CEP70: variants seen among roughly 807,000 people sequenced by gnomAD.
CEP70 encodes centrosomal protein of 70 kDa.
In CEP70, 70 loss-of-function variants were observed where a neutral mutation model predicts 90.9. That is an observed-to-expected ratio of 0.77 (90% CI 0.64 to 0.94). CEP70 has a LOEUF of 0.94. Among genes scored for constraint, CEP70 ranks in the 40% least tolerant of loss-of-function variants. CEP70 has a pLI of 0.00. For synonymous variants in CEP70, 220 were observed against 228.3 expected, an observed-to-expected ratio of 0.96 and a Z score of 0.33; for missense variants, 648 against 669.0, an observed-to-expected ratio of 0.97 and a Z score of 0.35.
intron 11 of CEP70, among the ~76,000 whole-genome samples, chr3:138,510,954 G>A (rs1329739187): frequency 2.7e-5 from 4 of 149,126 alleles, no homozygotes; most frequent in Admixed American, 1.3e-4. Context: ...TCTGCCTCCC[G>A]GGTTCAAACA....
intron 6 of CEP70, among the ~76,000 whole-genome samples, chr3:138,556,864 CG>C (rs886756647): frequency 1.3e-5 from 2 of 152,036 alleles, no homozygotes; most frequent in African/African-American, 2.4e-5. Flanking sequence ...GACCACAGAC[CG>C]GGGCGAAATT....
chr3:138,526,134 C>T (rs943004283), intron 10 of CEP70, among the ~76,000 whole-genome samples: 2 of 152,018 alleles, frequency 1.3e-5, no homozygotes, highest in South Asian at 4.2e-4. Flanking sequence ...AGGTCCTTCT[C>T]TCCATTAAGG....
Position 138,529,359 on chromosome 3 carries a change from T to C in CEP70, c.780+16A>G. ...AGTTTATTAAAAAGTATTTATTAGT[T>C]ATGCAGTCCCCATACCATTAAAAGG... On this transcript the variant is annotated intron_variant, in intron 9 of 17. Coordinates refer to ENST00000264982, the MANE Select transcript of CEP70 (RefSeq NM_024491.4). 1.3e-6 allele frequency: 2 copies of C among 1,580,486 alleles called. No individual in the cohort carries two copies. The highest frequency in any genetic ancestry group is 1.7e-6 in the Non-Finnish European group (2 of 1,158,124).
chr3:138,558,258 A>T (rs1459020068), intron 6 of CEP70, among the ~76,000 whole-genome samples: 1 of 152,164 alleles, frequency 6.6e-6, no homozygotes, highest in Non-Finnish European at 1.5e-5. Flanking sequence ...CCAGCTACTC[A>T]GGAGGCTGAA....
intron 8 of CEP70, chr3:138,531,482 T>G (rs1326787633): frequency 6.6e-6 from 1 of 152,170 alleles, no homozygotes; most frequent in Non-Finnish European, 1.5e-5. Context: ...GCCAATTCAT[T>G]TACATATTAT....
chr3:138,496,935 T>G lies in CEP70; in HGVS notation c.1732+1096A>C, dbSNP rs34416776. ...CCCTATTAAAATATGTTTATTAATGTGCCAAATATTTATGAATGATGAGAA... is the reference window on the plus strand; with the variant it reads ...CCCTATTAAAATATGTTTATTAATGGGCCAAATATTTATGAATGATGAGAA... On this transcript the variant is annotated intron_variant, in intron 17 of 17. Coordinates refer to ENST00000264982, the MANE Select transcript of CEP70 (RefSeq NM_024491.4). 0.035 allele frequency: 34,992 copies of G among 986,204 alleles called. 1,794 individuals are homozygous for G. In the East Asian group the frequency reaches 0.37, roughly 11 times the overall value. The allele number at this position is 986,204 out of a possible 1,614,324, so 61.1% of individuals were successfully genotyped here.
At chr3:138,500,681 T>C in intron 14 of CEP70, 54 bp downstream of exon 14, 1 of 1,507,590 alleles carries the variant, frequency 6.6e-7, no homozygotes, top group South Asian at 1.3e-5. Flanking sequence ...ATCCACAATT[T>C]ATCAGTTTTT....
At chr3:138,541,056 A>T (rs1036127228) in intron 6 of CEP70, among the ~76,000 whole-genome samples, 3 of 152,204 alleles carry the variant, frequency 2.0e-5, no homozygotes, top group Admixed American at 6.5e-5. Flanking sequence ...ACTTATGAAC[A>T]CAAAGAAGGT....
At position 138,500,692 on chromosome 3, in the gene CEP70, G is replaced by T. The variant is rs781674737; in HGVS notation, c.1368+43C>A. The T allele has an allele frequency of 2.0e-6, 3 of 1,524,976 alleles. No homozygotes were observed. In the Admixed American group the frequency reaches 6.7e-5, roughly 34 times the overall value. 94.5% of individuals were successfully genotyped at this position (1,524,976 alleles called of 1,614,324 possible). A position where few individuals can be genotyped will look rare whatever the true frequency, so the allele number is the denominator to read the frequency against. ...CAATATCCACAATTTATCAGTTTTTGAGATAAGAAACATTAGAAGGTGACC... is the reference window on the plus strand; with the variant it reads ...CAATATCCACAATTTATCAGTTTTTTAGATAAGAAACATTAGAAGGTGACC... On this transcript the variant is annotated intron_variant, in intron 14 of 17. Coordinates refer to ENST00000264982, the MANE Select transcript of CEP70 (RefSeq NM_024491.4).
chr3:138,577,821 T>A (rs1160133985), intron 2 of CEP70, among the ~76,000 whole-genome samples: 3 of 152,144 alleles, frequency 2.0e-5, no homozygotes, highest in African/African-American at 7.2e-5. Context: ...ACTAGATTTT[T>A]AAAAATCAAG....
intron 2 of CEP70, among the ~76,000 whole-genome samples, chr3:138,588,104 A>G (rs2042197269): frequency 6.6e-6 from 1 of 152,208 alleles, no homozygotes; most frequent in African/African-American, 2.4e-5. Flanking sequence ...ATACAAAAAA[A>G]TTAAAATGAA....
intron 6 of CEP70, among the ~76,000 whole-genome samples, chr3:138,539,292 G>T (rs1270057275): frequency 1.3e-5 from 2 of 152,158 alleles, no homozygotes; most frequent in Non-Finnish European, 2.9e-5. Context: ...GGGATTACAG[G>T]TGTGAGCCAC....
At chr3:138,500,373 C>A in intron 15 of CEP70, 26 bp downstream of exon 15, 2 of 1,552,762 alleles carry the variant, frequency 1.3e-6, no homozygotes, top group Non-Finnish European at 1.7e-6. Context: ...TAAATGGGGG[C>A]CCAAAATGAC....
chr3:138,552,415 T>C (rs1200417508), intron 6 of CEP70, among the ~76,000 whole-genome samples: 1 of 152,174 alleles, frequency 6.6e-6, no homozygotes, highest in Non-Finnish European at 1.5e-5. Flanking sequence ...AGATAGACCA[T>C]ATGATAGGCC....
intron 16 of CEP70, 192 bp downstream of exon 16, chr3:138,499,918 G>T: frequency 2.0e-6 from 1 of 511,970 alleles, no homozygotes. Flanking sequence ...ACCCCTCCAG[G>T]AACTCTCGAT....
At chr3:138,554,936 G>C (rs1327889621) in intron 6 of CEP70, among the ~76,000 whole-genome samples, 1 of 152,114 alleles carries the variant, frequency 6.6e-6, no homozygotes, top group Non-Finnish European at 1.5e-5. Flanking sequence ...AATGAAACTT[G>C]ATCCTCATCT....
chr3:138,555,715 T>C (rs2039956035), intron 6 of CEP70, among the ~76,000 whole-genome samples: 1 of 152,204 alleles, frequency 6.6e-6, no homozygotes, highest in African/African-American at 2.4e-5. Flanking sequence ...CACAATGTGA[T>C]ACCACCTCAC....
At position 138,585,350 on chromosome 3, in the gene CEP70, C is replaced by A. The variant is rs530260172; in HGVS notation, c.-6+6504G>T. On this transcript the variant is annotated intron_variant, in intron 2 of 17. Coordinates refer to ENST00000264982, the MANE Select transcript of CEP70 (RefSeq NM_024491.4). ...TAACTGAACCAATGAAGTAAAACAT[C>A]TCTACAATGAAAATTATAAAATACT... is the stretch of plus-strand genomic sequence containing the variant. Among the ~76,000 whole-genome samples the A allele has an allele frequency of 2.4e-3, 368 of 152,138 alleles. 4 individuals carry two copies. The highest frequency in any genetic ancestry group is 7.1e-4 in the Non-Finnish European group (48 of 67,978).
rs6794438 is a variant in CEP70 at position 138,519,747 on chromosome 3, G to A, written c.944+5743C>T. The stretch of plus-strand genomic sequence containing the variant: ...AAAATCATGCCAAATTATAAAGACC[G>A]TCGAGGCTAGGAAGAAACTGCATCA... On this transcript the variant is annotated intron_variant, in intron 11 of 17. Transcript: ENST00000264982. 4.4e-3 allele frequency among the ~76,000 whole-genome samples: 674 copies of A among 152,048 alleles called. 2 individuals carry two copies. The highest frequency in any genetic ancestry group is 0.015 in the African/African-American group (641 of 41,388).
Sources: allele counts gnomAD v4.1 joint callset (sites outside exome capture counted in the v4.1 genomes callset), GRCh38; gene constraint gnomAD v4.1.1; transcripts MANE v1.5; gene names NCBI Gene and HGNC (gene_info 2026-07-23, HGNC 2026-07-21).